Variants in KCNK2 observed in about 807,000 individuals in gnomAD.
KCNK2 encodes potassium two pore domain channel subfamily K member 2, also known as potassium channel subfamily K member 2.
Under a neutral mutation model 40.5 loss-of-function variants are expected in KCNK2, and 21 were observed. The observed-to-expected ratio is 0.52, with a 90% CI of 0.37 to 0.75. The LOEUF is 0.75. KCNK2 is among the 30% of genes least tolerant of loss of function. The probability of loss-of-function intolerance (pLI) is 0.00; values close to 1 mark genes in which losing one functional copy is unlikely to be tolerated. For synonymous variants in KCNK2, 191 were observed against 202.2 expected (o/e 0.94, Z 0.47); for missense variants, 399 against 531.6 (o/e 0.75, Z 2.45).
At chr1:215,023,430 C>T (rs1571853369) in intron 1 of KCNK2, among the ~76,000 whole-genome samples, 1 of 152,158 alleles carries the variant, frequency 6.6e-6, no homozygotes, top group Non-Finnish European at 1.5e-5. Flanking sequence ...TGCCCCTCAG[C>T]CATAAGTATG....
At chr1:215,098,193 T>G (rs1660061311) in intron 2 of KCNK2, among the ~76,000 whole-genome samples, 2 of 118,572 alleles carry the variant, frequency 1.7e-5, no homozygotes, top group African/African-American at 5.1e-5. Flanking sequence ...TAAGTGTTCA[T>G]TAAAACTGTG....
chr1:215,223,275 A>C (rs532895017), intron 6 of KCNK2, among the ~76,000 whole-genome samples: 2 of 144,316 alleles, frequency 1.4e-5, no homozygotes, highest in East Asian at 4.0e-4. Flanking sequence ...CAAAACTCTT[A>C]CAAGTATTAT....
At chr1:215,209,877 T>A (rs1296950743) in intron 6 of KCNK2, among the ~76,000 whole-genome samples, 1 of 75,890 alleles carries the variant, frequency 1.3e-5, no homozygotes, top group Admixed American at 2.3e-4. Flanking sequence ...AATATGTACA[T>A]ATTAGTCAGA....
intron 6 of KCNK2, among the ~76,000 whole-genome samples, chr1:215,195,806 G>C (rs1371196246): frequency 5.9e-5 from 9 of 152,106 alleles, no homozygotes; most frequent in Non-Finnish European, 1.5e-5. Flanking sequence ...GAATGTGACA[G>C]GGTAATGTTT....
chr1:215,088,277 A>G (rs1175842755), intron 2 of KCNK2, among the ~76,000 whole-genome samples: 1 of 152,190 alleles, frequency 6.6e-6, no homozygotes, highest in African/African-American at 2.4e-5. Context: ...CTTTGAGAGC[A>G]GGCAGGATGC....
At chr1:215,095,129 C>T (rs1659922055) in intron 2 of KCNK2, among the ~76,000 whole-genome samples, 1 of 152,076 alleles carries the variant, frequency 6.6e-6, no homozygotes, top group Non-Finnish European at 1.5e-5. Context: ...ATTTGTATAT[C>T]ATTTTACACT....
intron 3 of KCNK2, among the ~76,000 whole-genome samples, chr1:215,152,608 T>A (rs1662731515): frequency 6.6e-6 from 1 of 152,190 alleles, no homozygotes; most frequent in South Asian, 2.1e-4. Flanking sequence ...AGTTTCTTCA[T>A]CTGAGTTTCC....
chr1:215,181,845 C>T (rs1241855848), intron 5 of KCNK2, among the ~76,000 whole-genome samples: 2 of 152,200 alleles, frequency 1.3e-5, no homozygotes, highest in Non-Finnish European at 2.9e-5. Context: ...TTTGAGCTCT[C>T]TGCTCAGGCC....
Position 215,163,304 on chromosome 1 carries a change from TAAG to T in KCNK2, c.476-5894_476-5892del, listed in dbSNP as rs553678526. Reference sequence around the variant, plus strand: ...ACTTTGCTGAAGTTGCTTATCAACTTAAGGAGATTTTGGGCTGAGACGATGGAG... The same window carrying T: ...ACTTTGCTGAAGTTGCTTATCAACTTGAGATTTTGGGCTGAGACGATGGAG... On this transcript the variant is annotated intron_variant, in intron 3 of 6. Coordinates refer to ENST00000444842, the MANE Select transcript of KCNK2 (RefSeq NM_001017425.3). Among the ~76,000 whole-genome samples the T allele has an allele frequency of 1.1e-4, 17 of 152,314 alleles. No individual in the cohort carries two copies. In the East Asian group the frequency reaches 3.3e-3, roughly 29 times the overall value.
intron 6 of KCNK2, among the ~76,000 whole-genome samples, chr1:215,198,812 T>TA (rs1664970249): frequency 6.6e-6 from 1 of 152,164 alleles, no homozygotes; most frequent in Non-Finnish European, 1.5e-5. Flanking sequence ...GTACAAAATA[T>TA]AAAAAATACA....
chr1:215,173,418 C>T (rs867221713), intron 5 of KCNK2, among the ~76,000 whole-genome samples: 7,379 of 152,104 alleles, frequency 0.049, 197 homozygotes, highest in Middle Eastern at 0.13. Context: ...TGAATAGTGC[C>T]GCAATAAATA....
intron 6 of KCNK2, among the ~76,000 whole-genome samples, chr1:215,198,459 T>C (rs957373581): frequency 2.6e-5 from 4 of 152,214 alleles, no homozygotes; most frequent in Non-Finnish European, 5.9e-5. Context: ...AATATTATCA[T>C]GGCCAAAGTT....
upstream of KCNK2, among the ~76,000 whole-genome samples, chr1:215,080,896 G>A (rs1316502474): frequency 6.6e-6 from 1 of 152,184 alleles, no homozygotes; most frequent in Non-Finnish European, 1.5e-5. Flanking sequence ...CTGTGAAGGT[G>A]TTTCATAAAT....
intron 5 of KCNK2, among the ~76,000 whole-genome samples, chr1:215,192,987 T>C (rs1171416853): frequency 6.6e-6 from 1 of 152,122 alleles, no homozygotes; most frequent in Non-Finnish European, 1.5e-5. Context: ...TTCTCTACAA[T>C]AATGTTATAC....
intron 1 of KCNK2, among the ~76,000 whole-genome samples, chr1:215,042,071 GA>G (rs1276271482): frequency 3.3e-5 from 5 of 152,040 alleles, no homozygotes; most frequent in Non-Finnish European, 5.9e-5. Flanking sequence ...AATAACACAG[GA>G]AAAACCTGCC....
At chr1:215,079,266 T>C (rs571611525), upstream of KCNK2, among the ~76,000 whole-genome samples, 1 of 152,300 alleles carries the variant, frequency 6.6e-6, no homozygotes, top group South Asian at 2.1e-4. Flanking sequence ...TGCATTGTTA[T>C]AAAGGACTAG....
chr1:215,168,300 T>A (rs1408682189), intron 3 of KCNK2, among the ~76,000 whole-genome samples: 2 of 152,216 alleles, frequency 1.3e-5, no homozygotes, highest in East Asian at 3.9e-4. Flanking sequence ...GTGTGGTGAT[T>A]CCTCAAGGAT....
chr1:215,086,333 C>T, intron 1 of KCNK2, 35 bp from the exon 2 acceptor site: 1 of 1,562,776 alleles, frequency 6.4e-7, no homozygotes, highest in Non-Finnish European at 8.8e-7. Context: ...CTTCTCATCT[C>T]CTCCAACCTA....
At chr1:215,121,256 C>T (rs1338181629) in intron 2 of KCNK2, among the ~76,000 whole-genome samples, 2 of 152,200 alleles carry the variant, frequency 1.3e-5, no homozygotes, top group African/African-American at 4.8e-5. Flanking sequence ...GTCCTCAAGA[C>T]CCCCTCAGAG....
Sources: gnomAD v4.1 joint callset for allele counts (sites outside exome capture counted in the v4.1 genomes callset) on GRCh38, gnomAD v4.1.1 for gene constraint, MANE v1.5 for transcripts, NCBI Gene and HGNC (gene_info 2026-07-23, HGNC 2026-07-21) for gene names.